The following LRRC49 variants were observed in gnomAD, a reference collection of about 807,000 sequenced individuals.
LRRC49 encodes leucine-rich repeat-containing protein 49.
A neutral mutation model predicts 83.3 loss-of-function variants in LRRC49; 50 were observed. The observed-to-expected ratio is 0.60, with a 90% confidence interval of 0.48 to 0.76. The LOEUF is 0.76. Among genes scored for constraint, LRRC49 ranks in the 30% least tolerant of loss-of-function variants. LRRC49 has a pLI of 0.00. For synonymous variants in LRRC49, 286 were observed against 283.3 expected (o/e 1.01, Z -0.10); for missense variants, 704 against 809.1 (o/e 0.87, Z 1.58).
intron 2 of LRRC49, 97 bp from the exon 3 acceptor site, chr15:70,895,752 C>G (rs2033806037): frequency 1.5e-6 from 1 of 657,626 alleles, no homozygotes; most frequent in African/African-American, 1.8e-5. Flanking sequence ...CCACATTGTA[C>G]CATGTGTATC....
At chr15:70,978,055 G>GT (rs1283376402) in intron 9 of LRRC49, among the ~76,000 whole-genome samples, 24 of 151,932 alleles carry the variant, frequency 1.6e-4, no homozygotes, top group Non-Finnish European at 2.9e-5. Flanking sequence ...TTTAATCTAG[G>GT]TTTTTTCTTT....
chr15:70,945,563 G>GTGTGTGTGTGTGTA, intron 8 of LRRC49, among the ~76,000 whole-genome samples: 1 of 149,264 alleles, frequency 6.7e-6, no homozygotes, highest in African/African-American at 2.5e-5. Flanking sequence ...GTGTGTGTGT[G>GTGTGTGTGTGTGTA]TGTATCTGTC....
intron 8 of LRRC49, 46 bp downstream of exon 8, chr15:70,936,868 T>C: frequency 8.5e-7 from 1 of 1,176,210 alleles, no homozygotes; most frequent in Non-Finnish European, 1.3e-6. Context: ...CTTGATTGTG[T>C]GAGTTCTAGT....
intron 14 of LRRC49, among the ~76,000 whole-genome samples, chr15:71,029,985 T>C (rs1427562769): frequency 6.6e-6 from 1 of 152,226 alleles, no homozygotes; most frequent in East Asian, 1.9e-4. Flanking sequence ...TTTGCTAGTC[T>C]GATTATTTTA....
chr15:70,965,384 G>A (rs1307918912), intron 9 of LRRC49, among the ~76,000 whole-genome samples: 3 of 152,028 alleles, frequency 2.0e-5, no homozygotes, highest in Admixed American at 6.6e-5. Context: ...ACTTTTACCA[G>A]TTATATCAAT....
intron 11 of LRRC49, among the ~76,000 whole-genome samples, chr15:70,995,189 C>T (rs555627459): frequency 8.5e-5 from 13 of 152,156 alleles, no homozygotes; most frequent in South Asian, 6.2e-4. Context: ...ATAGTCTAGG[C>T]GAGATTTTTA....
At chr15:71,012,699 C>T in intron 13 of LRRC49, 105 bp from the exon 14 acceptor site, 3 of 661,344 alleles carry the variant, frequency 4.5e-6, no homozygotes, top group East Asian at 2.7e-5. Flanking sequence ...CTTTTGTGGG[C>T]TTAAAAGATA....
chr15:70,859,472 C>T (rs2032732117), intron 1 of LRRC49: 3 of 704,668 alleles, frequency 4.3e-6, no homozygotes, highest in Non-Finnish European at 8.0e-6. Flanking sequence ...CAGCTACTTC[C>T]TGGACACGGT....
intron 11 of LRRC49, among the ~76,000 whole-genome samples, chr15:70,990,493 C>T (rs1357771212): frequency 2.0e-5 from 3 of 152,198 alleles, no homozygotes; most frequent in Admixed American, 1.3e-4. Context: ...CGGAAAAGCA[C>T]AGTATTGGGG....
At chr15:70,900,361 A>T (rs1461241160) in intron 3 of LRRC49, 1 of 415,732 alleles carries the variant, frequency 2.4e-6, no homozygotes, top group African/African-American at 2.0e-5. Flanking sequence ...TAGTGGCTGA[A>T]CTTACAAAGA....
chr15:70,952,787 C>CT (rs151289714), intron 8 of LRRC49, among the ~76,000 whole-genome samples: 1 of 151,928 alleles, frequency 6.6e-6, no homozygotes, highest in South Asian at 2.1e-4. Context: ...TCGCTAAGAA[C>CT]TTTTTTTTAA....
chr15:70,947,593 C>T (rs1420059591), intron 8 of LRRC49, among the ~76,000 whole-genome samples: 1 of 152,162 alleles, frequency 6.6e-6, no homozygotes, highest in African/African-American at 2.4e-5. Context: ...ATTGCTCTGG[C>T]AAAAGGTTCT....
chr15:71,010,770 A>G (rs1220250114), intron 13 of LRRC49, among the ~76,000 whole-genome samples: 1 of 151,996 alleles, frequency 6.6e-6, no homozygotes. Flanking sequence ...GAGAGAAGCT[A>G]TGCTTCCACC....
chr15:70,877,703 G>A (rs749905694), intron 2 of LRRC49, among the ~76,000 whole-genome samples: 51 of 152,132 alleles, frequency 3.4e-4, no homozygotes, highest in Non-Finnish European at 7.1e-4. Flanking sequence ...AAATTGTTTG[G>A]TTGAATGATA....
At chr15:70,963,719 C>G in intron 8 of LRRC49, 66 bp from the exon 9 acceptor site, 1 of 1,508,444 alleles carries the variant, frequency 6.6e-7, no homozygotes. Context: ...AAAATAAAGT[C>G]TATTAAAAAT....
chr15:70,937,907 T>A (rs1021555635), intron 8 of LRRC49, among the ~76,000 whole-genome samples: 1 of 152,158 alleles, frequency 6.6e-6, no homozygotes, highest in Non-Finnish European at 1.5e-5. Context: ...TTCTATCTTG[T>A]TGGGGAGGCA....
intron 9 of LRRC49, among the ~76,000 whole-genome samples, chr15:70,970,618 C>CT (rs2141208253): frequency 1.3e-5 from 2 of 151,980 alleles, no homozygotes; most frequent in African/African-American, 4.8e-5. Flanking sequence ...TGGTCCTGGG[C>CT]TTTTTTTGGT....
At chr15:70,855,361 A>G (rs2032630782) in intron 1 of LRRC49, among the ~76,000 whole-genome samples, 1 of 151,866 alleles carries the variant, frequency 6.6e-6, no homozygotes, top group Non-Finnish European at 1.5e-5. Flanking sequence ...AAAAGAAAAA[A>G]AAAGAAAGAA....
At chr15:71,048,331 G>A (rs1356107427) in intron 15 of LRRC49, among the ~76,000 whole-genome samples, 1 of 151,946 alleles carries the variant, frequency 6.6e-6, no homozygotes, top group Admixed American at 6.6e-5. Context: ...TTGGCCTTAA[G>A]CGATCCTCCT....
Sources: allele counts gnomAD v4.1 joint callset (sites outside exome capture counted in the v4.1 genomes callset), GRCh38; gene constraint gnomAD v4.1.1; transcripts MANE v1.5; gene names NCBI Gene and HGNC (gene_info 2026-07-23, HGNC 2026-07-21).